Variants in USP34 observed in about 807,000 individuals in gnomAD.
USP34 encodes ubiquitin specific peptidase 34.
A neutral mutation model predicts 460.3 loss-of-function variants in USP34; 70 were observed. The observed-to-expected ratio is 0.15, with a 90% CI of 0.13 to 0.19. The LOEUF (loss-of-function observed/expected upper bound fraction) is 0.19. Ranked by LOEUF, USP34 falls within the 10% of genes least tolerant of loss-of-function variation. The pLI, the probability that USP34 is intolerant of heterozygous loss-of-function variation, is 1.00. For missense variants in USP34, 3,985 were observed against 4,236.2 expected (o/e 0.94, Z 1.65); for synonymous variants, 1,647 against 1,405.3 (o/e 1.17, Z -3.85).
At position 61,190,605 on chromosome 2, in the gene USP34, T is replaced by C; in HGVS notation, c.9642A>G (p.Ala3214=). ...CCATTAGGATACATTTAATATATTCTGCGAAAACAGGATCTTCACACAAAA... is the reference window on the plus strand; with the variant it reads ...CCATTAGGATACATTTAATATATTCCGCGAAAACAGGATCTTCACACAAAA... ...IKLLCEDPVF[A]EYIKCILMDE... Residue 3214 remains alanine (A), a synonymous_variant, in exon 77 of 80, where the codon GCA becomes GCG. Transcript: ENST00000398571. The C allele has an allele frequency of 6.2e-7, 1 of 1,614,100 alleles. No homozygotes were observed. The highest frequency in any genetic ancestry group is 8.5e-7 in the Non-Finnish European group (1 of 1,179,986).
At chr2:61,436,415 A>G (rs768711414) in intron 1 of USP34, among the ~76,000 whole-genome samples, 3 of 152,114 alleles carry the variant, frequency 2.0e-5, no homozygotes, top group Non-Finnish European at 2.9e-5. Flanking sequence ...AGCTTTACAT[A>G]TATCAGACAA....
intron 10 of USP34, among the ~76,000 whole-genome samples, chr2:61,359,774 C>T (rs1558548764): frequency 6.9e-6 from 1 of 144,246 alleles, no homozygotes; most frequent in Non-Finnish European, 1.5e-5. Flanking sequence ...GAAAAGCCCA[C>T]AGTTGTTTTT....
At chr2:61,254,085 G>A (rs916096320) in intron 48 of USP34, among the ~76,000 whole-genome samples, 9 of 152,122 alleles carry the variant, frequency 5.9e-5, no homozygotes, top group East Asian at 1.9e-4. Context: ...CATGTGTCCC[G>A]ACAATGTTGC....
intron 3 of USP34, among the ~76,000 whole-genome samples, chr2:61,399,638 T>C (rs72813601): frequency 0.14 from 21,243 of 151,800 alleles, 1,721 homozygotes; most frequent in South Asian, 0.35. Flanking sequence ...TTTGGGAGGC[T>C]GAGGCAGACG....
At chr2:61,199,824 A>C (rs1035517634) in intron 75 of USP34, among the ~76,000 whole-genome samples, 3 of 152,246 alleles carry the variant, frequency 2.0e-5, no homozygotes, top group African/African-American at 7.2e-5. Flanking sequence ...GAAATAAGGG[A>C]GAAAAACATC....
At chr2:61,317,578 A>G (rs1690790523) in intron 23 of USP34, 76 bp downstream of exon 23, 1 of 1,319,772 alleles carries the variant, frequency 7.6e-7, no homozygotes, top group Non-Finnish European at 1.1e-6. Flanking sequence ...CTTTGTAGAA[A>G]AATAATTTGG....
intron 5 of USP34, among the ~76,000 whole-genome samples, chr2:61,385,528 C>T (rs552307462): frequency 2.0e-5 from 3 of 151,580 alleles, no homozygotes; most frequent in East Asian, 1.9e-4. Flanking sequence ...AAAACTTAGC[C>T]GGACGTGGTG....
chr2:61,261,873 G>A (rs1688889348), intron 43 of USP34, among the ~76,000 whole-genome samples: 1 of 151,778 alleles, frequency 6.6e-6, no homozygotes, highest in African/African-American at 2.4e-5. Context: ...GGGAGGCCGA[G>A]GCGGGGGGAT....
intron 5 of USP34, among the ~76,000 whole-genome samples, chr2:61,394,265 C>A (rs1419171840): frequency 1.3e-5 from 2 of 152,072 alleles, no homozygotes; most frequent in African/African-American, 4.8e-5. Flanking sequence ...TTCAGGCATA[C>A]TATAATAGTA....
At chr2:61,428,953 A>G (rs1005036549) in intron 1 of USP34, among the ~76,000 whole-genome samples, 3 of 152,214 alleles carry the variant, frequency 2.0e-5, no homozygotes, top group Non-Finnish European at 4.4e-5. Flanking sequence ...CACAAAGAGC[A>G]AAACAAAATA....
In USP34 at chr2:61,314,991, T is replaced by A; in HGVS notation, c.3283-17A>T. The A allele has an allele frequency of 6.3e-7, 1 of 1,593,570 alleles. No homozygotes were observed. Among genetic ancestry groups the A allele is most frequent in the Non-Finnish European group, 8.5e-7 (1 of 1,170,732 alleles). On this transcript the variant is annotated splice_polypyrimidine_tract_variant and intron_variant, in intron 23 of 79. Coordinates refer to ENST00000398571, the MANE Select transcript of USP34 (RefSeq NM_014709.4). Reference sequence around the variant, plus strand: ...ACCACACAGCTAAGAAAGAAAAATATGGTATCTCTAAATTTTGTTTGTCAA... The same window carrying A: ...ACCACACAGCTAAGAAAGAAAAATAAGGTATCTCTAAATTTTGTTTGTCAA...
In USP34 at chr2:61,265,480, G is replaced by C. The variant is rs749749470; in HGVS notation, c.5695C>G (p.Leu1899Val). The C allele has an allele frequency of 1.2e-6, 2 of 1,613,586 alleles. No homozygotes were observed. The highest frequency in any genetic ancestry group is 2.2e-5 in the East Asian group (1 of 44,836). The change falls in exon 43 of 80, where the codon CTT becomes GTT. Residue 1899 changes from leucine (L) to valine (V), a missense_variant. By Grantham distance (32) the Leu-to-Val change is conservative. Transcript: ENST00000398571. ...GAAGCTAAGTAACAAGTAGCTCCAAGGTTAGTAAGGCCAACAAATCTACAT... is the reference window on the plus strand; with the variant it reads ...GAAGCTAAGTAACAAGTAGCTCCAACGTTAGTAAGGCCAACAAATCTACAT... ...AECRFVGLTN[L>V]GATCYLASTI...
At chr2:61,453,674 C>T (rs1337823174) in intron 1 of USP34, among the ~76,000 whole-genome samples, 1 of 140,226 alleles carries the variant, frequency 7.1e-6, no homozygotes, top group Non-Finnish European at 1.5e-5. Context: ...TCCACCACAC[C>T]ACTGCACTCC....
chr2:61,268,939 A>G (rs1322920386), intron 41 of USP34, among the ~76,000 whole-genome samples: 1 of 152,188 alleles, frequency 6.6e-6, no homozygotes, highest in African/African-American at 2.4e-5. Flanking sequence ...GCCATGTCCT[A>G]ATAATAAATG....
Position 61,203,270 on chromosome 2 carries a change from G to T in USP34, c.9385-7C>A. On this transcript the variant is annotated splice_polypyrimidine_tract_variant and splice_region_variant and intron_variant, in intron 74 of 79. Coordinates refer to ENST00000398571, the MANE Select transcript of USP34 (RefSeq NM_014709.4). ...CATAAACGTCATCTTTGCCCTGAAG[G>T]TTAAAGATGATAAAATGGTTGCACT... is the stretch of plus-strand genomic sequence containing the variant. 2 of 1,517,954 alleles carry T rather than the reference G, an allele frequency of 1.3e-6. No individual in the cohort carries two copies. Among genetic ancestry groups the T allele is most frequent in the Non-Finnish European group, 8.8e-7 (1 of 1,132,670 alleles). 94.0% of individuals were successfully genotyped at this position (1,517,954 alleles called of 1,614,324 possible).
At chr2:61,226,968 T>A in intron 62 of USP34, 99 bp downstream of exon 62, 1 of 1,313,254 alleles carries the variant, frequency 7.6e-7, no homozygotes, top group Non-Finnish European at 1.0e-6. Flanking sequence ...TAATTAAACA[T>A]ATATAATAAA....
At chr2:61,188,871 C>T (rs1284445779) in intron 79 of USP34, 39 bp downstream of exon 79, 2 of 1,609,554 alleles carry the variant, frequency 1.2e-6, no homozygotes, top group Non-Finnish European at 1.7e-6. Flanking sequence ...ACTCCCTCCT[C>T]CCACCCTAAA....
chr2:61,445,021 G>C (rs963489769), intron 1 of USP34, among the ~76,000 whole-genome samples: 2 of 151,760 alleles, frequency 1.3e-5, no homozygotes, highest in Non-Finnish European at 2.9e-5. Flanking sequence ...ATGGAAGCCA[G>C]GGGACAATGG....
intron 18 of USP34, among the ~76,000 whole-genome samples, chr2:61,338,010 TA>T (rs980910297): frequency 1.3e-5 from 2 of 152,164 alleles, no homozygotes; most frequent in Admixed American, 1.3e-4. Flanking sequence ...ATCCAGCCAT[TA>T]AAAGAATTAT....
Sources: gnomAD v4.1 joint callset for allele counts (sites outside exome capture counted in the v4.1 genomes callset) on GRCh38, gnomAD v4.1.1 for gene constraint, MANE v1.5 for transcripts, NCBI Gene and HGNC (gene_info 2026-07-23, HGNC 2026-07-21) for gene names.